The following REV3L variants were observed in gnomAD, a reference collection of about 807,000 sequenced individuals.
REV3L encodes DNA polymerase zeta catalytic subunit.
REV3L carries 69 observed loss-of-function variants against 299.4 expected under a neutral mutation model. The ratio of observed to expected loss-of-function variants is 0.23; its 90% CI spans 0.19 to 0.28. REV3L has a LOEUF of 0.28. Among genes scored for constraint, REV3L ranks in the 10% least tolerant of loss-of-function variants. The probability of loss-of-function intolerance (pLI) is 1.00; values close to 1 mark genes in which losing one functional copy is unlikely to be tolerated. For synonymous variants in REV3L, 1,238 were observed against 1,271.4 expected, an observed-to-expected ratio of 0.97 and a Z score of 0.56; for missense variants, 3,128 against 3,693.8, an observed-to-expected ratio of 0.85 and a Z score of 3.97.
chr6:111,456,768 A>G (rs1446710726), intron 1 of REV3L, among the ~76,000 whole-genome samples: 1 of 152,176 alleles, frequency 6.6e-6, no homozygotes, highest in African/African-American at 2.4e-5. Context: ...TATCCAAAGA[A>G]TCTCTGGTAA....
At position 111,430,564 on chromosome 6, in the gene REV3L, T is replaced by A. The variant is rs1350489088; in HGVS notation, c.140-14092A>T. 5 of 1,567,856 alleles carry A rather than the reference T, an allele frequency of 3.2e-6. No individual in the cohort carries two copies. In the East Asian group the frequency reaches 6.7e-5, roughly 21 times the overall value. On this transcript the variant is annotated intron_variant, in intron 1 of 31. Coordinates refer to ENST00000368802, the MANE Select transcript of REV3L (RefSeq NM_001372078.1). ...AGCCTGAAGCAGAGCATAGACTTCA[T>A]GGCTGACTTGCAGAAAACTCAAAAG...
Position 111,367,735 on chromosome 6 carries a change from C to A in REV3L, c.6053G>T (p.Arg2018Leu), listed in dbSNP as rs547035450. ...CTTGGTTTTAGGCAGTTTCTTGGAA[C>A]GTTCGTATTCTTCTTTGGCTTGAAG... is the stretch of plus-strand genomic sequence containing the variant. ...VWLQAKEEYERSKKLPKTKPT... is the reference protein window; with the variant it reads ...VWLQAKEEYELSKKLPKTKPT... Residue 2018 changes from arginine to leucine, a missense_variant, in exon 14 of 32, where the codon CGT (arginine) becomes CTT (leucine). Arg to Leu is a moderately radical substitution (Grantham distance 102, BLOSUM62 -2). Coordinates refer to ENST00000368802, the MANE Select transcript of REV3L (RefSeq NM_001372078.1). The A allele has an allele frequency of 1.9e-6, 3 of 1,614,084 alleles. No individual in the cohort carries two copies. Among genetic ancestry groups the A allele is most frequent in the Non-Finnish European group, 2.5e-6 (3 of 1,180,042 alleles).
chr6:111,312,935 A>C (rs1227463539), intron 28 of REV3L: 3 of 153,494 alleles, frequency 2.0e-5, no homozygotes, highest in Non-Finnish European at 4.3e-5. Flanking sequence ...AATAGGCAGG[A>C]AACTCTCATG....
At position 111,405,463 on chromosome 6, in the gene REV3L, A is replaced by C; in HGVS notation, c.565+7T>G. The C allele has an allele frequency of 1.3e-6, 2 of 1,587,614 alleles. No homozygotes were observed. The highest frequency in any genetic ancestry group is 8.6e-7 in the Non-Finnish European group (1 of 1,169,432). On this transcript the variant is annotated splice_region_variant and intron_variant, in intron 4 of 31. Transcript: ENST00000368802. ...AAAAATTTAATTTGACTGAAAATTA[A>C]CCTTACTTTTCCTTCTTGCTTTTCG...
chr6:111,443,609 A>C (rs1788523219), intron 1 of REV3L, among the ~76,000 whole-genome samples: 1 of 152,198 alleles, frequency 6.6e-6, no homozygotes, highest in Non-Finnish European at 1.5e-5. Flanking sequence ...CCTACTCATA[A>C]GATGTGACCT....
chr6:111,421,649 C>T (rs1373966646), intron 1 of REV3L, among the ~76,000 whole-genome samples: 4 of 150,944 alleles, frequency 2.6e-5, no homozygotes, highest in Admixed American at 2.6e-4. Context: ...TAATCAAAAT[C>T]AAAATAGTGA....
chr6:111,446,114 C>T (rs1336174374), intron 1 of REV3L, among the ~76,000 whole-genome samples: 2 of 152,102 alleles, frequency 1.3e-5, no homozygotes, highest in African/African-American at 4.8e-5. Flanking sequence ...GTCAGATGGG[C>T]CTGTGTATGA....
chr6:111,483,425 G>A, upstream of REV3L: 2 of 436,358 alleles, frequency 4.6e-6, no homozygotes, highest in Admixed American at 4.3e-5. Context: ...CGCCCGCGCG[G>A]GATCGATGAC....
intron 27 of REV3L, 114 bp from the exon 28 acceptor site, chr6:111,313,603 A>G (rs1282746011): frequency 2.8e-6 from 3 of 1,090,550 alleles, no homozygotes; most frequent in African/African-American, 1.6e-5. Context: ...AAAAAATTCT[A>G]TATATGACTT....
chr6:111,379,296 G>T (rs1409018422), intron 11 of REV3L, among the ~76,000 whole-genome samples: 1 of 152,180 alleles, frequency 6.6e-6, no homozygotes, highest in Non-Finnish European at 1.5e-5. Context: ...TCACCTTTCA[G>T]TGATGGCTTT....
chr6:111,447,817 CTA>C (rs1789032249), intron 1 of REV3L, among the ~76,000 whole-genome samples: 1 of 152,062 alleles, frequency 6.6e-6, no homozygotes, highest in African/African-American at 2.4e-5. Context: ...AATAGATGCT[CTA>C]TATATGTTTA....
chr6:111,472,247 A>G (rs1159324718), intron 1 of REV3L: 1 of 517,288 alleles, frequency 1.9e-6, no homozygotes, highest in Non-Finnish European at 2.8e-6. Context: ...TCTTATTTAC[A>G]AAGTCTTTCA....
intron 1 of REV3L, chr6:111,431,050 T>A (rs1786860288): frequency 6.5e-7 from 1 of 1,528,728 alleles, no homozygotes. Flanking sequence ...CTACAGTTCT[T>A]ATGCACCGCA....
rs188983960 is a variant in REV3L, at chr6:111,366,186, A to T, written c.6674-842T>A. Among the ~76,000 whole-genome samples, 151 of 152,306 alleles carry T rather than the reference A, an allele frequency of 9.9e-4. 1 individual carries two copies. Among genetic ancestry groups the T allele is most frequent in the African/African-American group, 3.3e-3 (139 of 41,588 alleles). ...GGTTTTTATGTGGAGGCATGTATAT[A>T]TAAGTGTGTTGGGGAAGTGGTGGTG... On this transcript the variant is annotated intron_variant, in intron 14 of 31. Transcript: ENST00000368802.
intron 2 of REV3L, chr6:111,412,317 G>C: frequency 5.0e-4 from 443 of 893,434 alleles, no homozygotes; most frequent in Middle Eastern, 1.7e-3. Flanking sequence ...AAAGGGGGAA[G>C]CAAAAGGCTA....
chr6:111,322,531 A>G, intron 26 of REV3L, 38 bp downstream of exon 26: 2 of 1,418,938 alleles, frequency 1.4e-6, no homozygotes, highest in Admixed American at 3.4e-5. Flanking sequence ...AGATCTAGAG[A>G]GATGCAAAAG....
chr6:111,368,963 C>T (rs1448840268), intron 13 of REV3L, among the ~76,000 whole-genome samples: 1 of 152,132 alleles, frequency 6.6e-6, no homozygotes, highest in Non-Finnish European at 1.5e-5. Context: ...TACTCTGTCT[C>T]CTTTATATGA....
At chr6:111,338,000 C>A (rs1356582188) in intron 21 of REV3L, among the ~76,000 whole-genome samples, 1 of 152,008 alleles carries the variant, frequency 6.6e-6, no homozygotes, top group African/African-American at 2.4e-5. Context: ...AGTGAGACAC[C>A]AACATAATTT....
intron 1 of REV3L, among the ~76,000 whole-genome samples, chr6:111,461,758 A>G (rs905132792): frequency 6.6e-6 from 1 of 152,088 alleles, no homozygotes; most frequent in Non-Finnish European, 1.5e-5. Context: ...TAGGGCAACC[A>G]CTAAACAAAT....
Sources: allele counts gnomAD v4.1 joint callset (sites outside exome capture counted in the v4.1 genomes callset), GRCh38; gene constraint gnomAD v4.1.1; transcripts MANE v1.5; gene names NCBI Gene and HGNC (gene_info 2026-07-23, HGNC 2026-07-21).